KIAA1671: variants seen among roughly 807,000 people sequenced by gnomAD.
KIAA1671 encodes KIAA1671, also known as uncharacterized protein KIAA1671.
A neutral mutation model predicts 131.2 loss-of-function variants in KIAA1671; 52 were observed. That is an observed-to-expected ratio of 0.40 (90% CI 0.32 to 0.50). KIAA1671 has a LOEUF of 0.50. Among genes scored for constraint, KIAA1671 ranks in the 20% least tolerant of loss-of-function variants. The pLI is 0.73. For synonymous variants in KIAA1671, 1,003 were observed against 961.6 expected (o/e 1.04, Z -0.80); for missense variants, 2,360 against 2,364.2 (o/e 1.00, Z 0.04).
intron 1 of KIAA1671, among the ~76,000 whole-genome samples, chr22:24,966,197 G>A (rs1922295942): frequency 1.3e-5 from 2 of 152,230 alleles, no homozygotes; most frequent in South Asian, 2.1e-4. Context: ...CTGACTTTGT[G>A]TTGATAGTTC....
At chr22:25,061,300 A>G (rs1310203068) in intron 6 of KIAA1671, 2 of 152,182 alleles carry the variant, frequency 1.3e-5, no homozygotes, top group Admixed American at 1.3e-4. Context: ...ACATTTTGTC[A>G]TATTTCAAGC....
chr22:25,067,441 C>CTGT (rs1227555886), intron 6 of KIAA1671, among the ~76,000 whole-genome samples: 1 of 152,090 alleles, frequency 6.6e-6, no homozygotes, highest in African/African-American at 2.4e-5. Context: ...CTTGCCCTGC[C>CTGT]TGTCGCTCTC....
At chr22:25,093,027 T>A (rs1930096290) in intron 6 of KIAA1671, among the ~76,000 whole-genome samples, 1 of 152,170 alleles carries the variant, frequency 6.6e-6, no homozygotes, top group African/African-American at 2.4e-5. Flanking sequence ...GAGAATTTAC[T>A]GAGTTTTGGA....
chr22:25,037,291 C>G (rs1052700084), intron 4 of KIAA1671, among the ~76,000 whole-genome samples: 8 of 152,008 alleles, frequency 5.3e-5, no homozygotes, highest in Admixed American at 5.2e-4. Context: ...CCATTGCACT[C>G]CAGCCTGGGC....
intron 5 of KIAA1671, among the ~76,000 whole-genome samples, chr22:25,042,995 A>C (rs1927032236): frequency 6.6e-6 from 1 of 151,802 alleles, no homozygotes. Context: ...TTGTGGGGTC[A>C]TGAACATTCA....
At chr22:25,174,198 G>A (rs772253815) in intron 7 of KIAA1671, 42 bp from the exon 8 acceptor site, 135 of 1,542,292 alleles carry the variant, frequency 8.8e-5, no homozygotes, top group Middle Eastern at 1.7e-4. Flanking sequence ...TCTCTGAAAC[G>A]TTCTCCATAA....
At chr22:24,998,616 G>A (rs1290582855) in intron 1 of KIAA1671, among the ~76,000 whole-genome samples, 1 of 151,098 alleles carries the variant, frequency 6.6e-6, no homozygotes. Flanking sequence ...TACTAGGGAG[G>A]CTGAGGCAGG....
At chr22:25,177,669 T>A in intron 9 of KIAA1671, 147 bp downstream of exon 9, 1 of 672,744 alleles carries the variant, frequency 1.5e-6, no homozygotes, top group Non-Finnish European at 2.5e-6. Context: ...TTTCATGTCT[T>A]AAACACACAG....
intron 6 of KIAA1671, among the ~76,000 whole-genome samples, chr22:25,106,221 C>T (rs2074970955): frequency 6.6e-6 from 1 of 152,230 alleles, no homozygotes; most frequent in African/African-American, 2.4e-5. Flanking sequence ...CCAGCCTCAG[C>T]CCAGTCCCAT....
At position 25,078,004 on chromosome 22, in the gene KIAA1671, T is replaced by A. The variant is rs200803227; in HGVS notation, c.4530+28640T>A. Reference sequence around the variant, plus strand: ...CTCACAAATAGCCCTGAGGGGTGGATTTTATTATTATTTTACCGAAGAGAA... The same window carrying A: ...CTCACAAATAGCCCTGAGGGGTGGAATTTATTATTATTTTACCGAAGAGAA... On this transcript the variant is annotated intron_variant, in intron 6 of 12. Transcript: ENST00000358431. Among the ~76,000 whole-genome samples the A allele has an allele frequency of 2.1e-5, 3 of 144,648 alleles. No homozygotes were observed. The East Asian group carries it at 7.6e-4, about 37-fold the overall frequency. 94.9% of individuals were successfully genotyped at this position (144,648 alleles called of 152,430 possible).
In KIAA1671 at chr22:25,072,142, G is replaced by C. The variant is rs567800936; in HGVS notation, c.4530+22778G>C. On this transcript the variant is annotated intron_variant, in intron 6 of 12. Coordinates refer to ENST00000358431, the MANE Select transcript of KIAA1671 (RefSeq NM_001145206.2). ...CTGGGGTGGATGTCAGAAAGAGCAA[G>C]AGCCCATGGCATGCCCATGGTACAT... Among the ~76,000 whole-genome samples the C allele has an allele frequency of 1.7e-4, 26 of 152,278 alleles. No individual in the cohort carries two copies. In the South Asian group the frequency reaches 5.4e-3, roughly 32 times the overall value.
intron 1 of KIAA1671, among the ~76,000 whole-genome samples, chr22:25,019,467 T>C (rs545532169): frequency 6.6e-5 from 10 of 152,014 alleles, no homozygotes; most frequent in South Asian, 6.2e-4. Flanking sequence ...ACCTTTCAAA[T>C]TGATGATGGA....
chr22:25,025,984 G>A (rs1478858194), intron 2 of KIAA1671, among the ~76,000 whole-genome samples, 200 bp downstream of exon 2: 3 of 152,136 alleles, frequency 2.0e-5, no homozygotes, highest in African/African-American at 7.2e-5. Flanking sequence ...AAGGCCAATG[G>A]CCCTGATTCT....
At position 25,041,193 on chromosome 22, in the gene KIAA1671, G is replaced by C. The variant is rs966209669; in HGVS notation, c.4063G>C (p.Asp1355His). The part of the protein sequence containing the change: ...LAESKPSGRE[D>H]PGSGVRVSPK... Reference sequence around the variant, plus strand: ...TGAGTCAAAGCCCTCTGGTCGGGAGGATCCAGGCAGTGGGGTCAGGGTGTC... The same window carrying C: ...TGAGTCAAAGCCCTCTGGTCGGGAGCATCCAGGCAGTGGGGTCAGGGTGTC... Residue 1355 changes from aspartate (D) to histidine (H), a missense_variant, in exon 5 of 13, where the codon GAT (aspartate) becomes CAT (histidine). Physicochemically the swap from Asp to His is moderately conservative, Grantham distance 81. This residue lies in a region of KIAA1671 where 1,161 missense variants were observed against 1,204.7 expected (regional missense o/e 0.96). Transcript: ENST00000358431. 87 of 1,551,664 alleles carry C rather than the reference G, an allele frequency of 5.6e-5. No individual in the cohort carries two copies. Among genetic ancestry groups the C allele is most frequent in the Non-Finnish European group, 7.0e-5 (80 of 1,147,024 alleles).
At chr22:25,073,505 C>T (rs148896250) in intron 6 of KIAA1671, among the ~76,000 whole-genome samples, 49 of 152,336 alleles carry the variant, frequency 3.2e-4, no homozygotes, top group African/African-American at 1.1e-3. Flanking sequence ...TATCTCCTCT[C>T]ATAGTCACCT....
At position 25,039,061 on chromosome 22, in the gene KIAA1671, G is replaced by T. The variant is rs73157984; in HGVS notation, c.1931G>T (p.Arg644Leu). ...CCCCCTGGTGACATGGCCCATGCCC[G>T]TGTCTCAGAACCCAGGCCGAGGCCT... ...TTPPGDMAHA[R>L]VSEPRPRPEM... The change falls in exon 5 of 13, where the codon CGT becomes CTT. Residue 644 changes from arginine (R) to leucine (L), a missense_variant. Coordinates refer to ENST00000358431, the MANE Select transcript of KIAA1671 (RefSeq NM_001145206.2). 0.064 allele frequency: 98,605 copies of T among 1,551,628 alleles called. 3,420 individuals are homozygous for T. Among genetic ancestry groups the T allele is most frequent in the Middle Eastern group, 0.12 (715 of 5,992 alleles).
At chr22:25,087,258 T>A (rs1409626073) in intron 6 of KIAA1671, among the ~76,000 whole-genome samples, 1 of 151,662 alleles carries the variant, frequency 6.6e-6, no homozygotes, top group African/African-American at 2.4e-5. Flanking sequence ...GAGATTTAGT[T>A]TGGAATCAGT....
chr22:25,042,450 CCAG>C (rs2145809556), intron 5 of KIAA1671, among the ~76,000 whole-genome samples: 1 of 149,612 alleles, frequency 6.7e-6, no homozygotes, highest in South Asian at 2.1e-4. Context: ...GTTTTGGGTT[CCAG>C]CAGTCCCTTG....
chr22:24,995,873 A>T (rs1395181417), intron 1 of KIAA1671, among the ~76,000 whole-genome samples: 1 of 152,232 alleles, frequency 6.6e-6, no homozygotes, highest in African/African-American at 2.4e-5. Flanking sequence ...CAGCTAGTAC[A>T]GATGGAGATG....
Sources: gnomAD v4.1 joint callset for allele counts (sites outside exome capture counted in the v4.1 genomes callset) on GRCh38, gnomAD v4.1.1 for gene constraint, gnomAD v4.1.1 regional missense constraint, MANE v1.5 for transcripts, NCBI Gene and HGNC (gene_info 2026-07-23, HGNC 2026-07-21) for gene names.